The following NUTM2E variants were observed in gnomAD, a reference collection of about 807,000 sequenced individuals.
NUTM2E encodes family with sequence similarity 22, member E.
Under a neutral mutation model 26.1 loss-of-function variants are expected in NUTM2E, and 3 were observed. The observed-to-expected ratio is 0.12, with a 90% CI of 0.05 to 0.30. The LOEUF is 0.30. Ranked by LOEUF, NUTM2E falls within the 10% of genes least tolerant of loss-of-function variation. The pLI is 1.00. For synonymous variants in NUTM2E, 13 were observed against 157.5 expected (o/e 0.08, Z 6.87); for missense variants, 62 against 381.3 (o/e 0.16, Z 6.97).
chr10:79,839,453 C>T lies in NUTM2E; in HGVS notation c.-2113-175C>T, dbSNP rs922582247. Among the ~76,000 whole-genome samples the T allele has an allele frequency of 2.6e-5, 4 of 151,020 alleles. 1 individual carries two copies. Among genetic ancestry groups the T allele is most frequent in the Non-Finnish European group, 5.9e-5 (4 of 67,738 alleles). On this transcript the variant is annotated intron_variant, in intron 3 of 9. Transcript: ENST00000429984. ...TGTTGTAACCTTGATCAATTTCAGT[C>T]GATAAAGCAGCAGATACTAAGGGAA... is the stretch of plus-strand genomic sequence containing the variant.
intron 2 of NUTM2E, among the ~76,000 whole-genome samples, 68 bp downstream of exon 2, chr10:79,838,654 T>C (rs406850): frequency 0.017 from 2,238 of 128,284 alleles, 4 homozygotes; most frequent in African/African-American, 0.032. Context: ...TATGAACGCT[T>C]CCGCCTTGAG....
chr10:79,828,909 C>G (rs1223150739), intron 1 of NUTM2E, among the ~76,000 whole-genome samples: 2 of 151,640 alleles, frequency 1.3e-5, no homozygotes, highest in Non-Finnish European at 2.9e-5. Context: ...GTCATTATTC[C>G]TAGTATTAAT....
chr10:79,830,983 A>G (rs1224542162), intron 1 of NUTM2E, among the ~76,000 whole-genome samples: 6 of 151,954 alleles, frequency 3.9e-5, no homozygotes, highest in African/African-American at 1.4e-4. Context: ...CCACGTAGGC[A>G]TCTCAGTGTT....
intron 1 of NUTM2E, among the ~76,000 whole-genome samples, chr10:79,834,429 G>A (rs1841947766): frequency 6.6e-6 from 1 of 151,600 alleles, no homozygotes; most frequent in Non-Finnish European, 1.5e-5. Context: ...GGCAGGGCAT[G>A]GTGCCTCACA....
chr10:79,836,353 T>C (rs1833504293), intron 1 of NUTM2E, among the ~76,000 whole-genome samples: 1 of 151,912 alleles, frequency 6.6e-6, no homozygotes, highest in African/African-American at 2.4e-5. Context: ...AAAAAATTCA[T>C]TTACAAATAC....
At chr10:79,836,651 C>T (rs1481102835) in intron 1 of NUTM2E, among the ~76,000 whole-genome samples, 1 of 151,836 alleles carries the variant, frequency 6.6e-6, no homozygotes, top group Non-Finnish European at 1.5e-5. Flanking sequence ...TCTTCACATC[C>T]ACTACCTCAT....
rs1434685529 is a variant in NUTM2E, at chr10:79,838,429, C to T, written c.-2607C>T. 1.4e-5 allele frequency among the ~76,000 whole-genome samples: 2 copies of T among 144,298 alleles called. No homozygotes were observed. The highest frequency in any genetic ancestry group is 3.0e-5 in the Non-Finnish European group (2 of 66,302). 94.7% of individuals were successfully genotyped at this position (144,298 alleles called of 152,430 possible). A position where few individuals can be genotyped will look rare whatever the true frequency, so the allele number is the denominator to read the frequency against. ...CGTCCGTGAGAACTTCACTGTTTTACGAGGACAGGAGCTACTTCTTTGCTG... is the reference window on the plus strand; with the variant it reads ...CGTCCGTGAGAACTTCACTGTTTTATGAGGACAGGAGCTACTTCTTTGCTG... On this transcript the variant is annotated 5_prime_UTR_variant, in exon 2 of 10. The change creates a new upstream start codon in the 5' untranslated region. Transcript: ENST00000429984.
chr10:79,836,313 C>A (rs1326590786), intron 1 of NUTM2E, among the ~76,000 whole-genome samples: 1 of 151,708 alleles, frequency 6.6e-6, no homozygotes. Context: ...CAAACTTATT[C>A]CATAGTATAG....
At chr10:79,833,443 A>G (rs1195161631) in intron 1 of NUTM2E, among the ~76,000 whole-genome samples, 3 of 150,742 alleles carry the variant, frequency 2.0e-5, no homozygotes, top group Non-Finnish European at 4.4e-5. Flanking sequence ...GAACGGGAAA[A>G]AAATTTTGCA....
chr10:79,833,918 T>C (rs1841944343), intron 1 of NUTM2E, among the ~76,000 whole-genome samples: 1 of 151,864 alleles, frequency 6.6e-6, no homozygotes, highest in South Asian at 2.1e-4. Context: ...ACATGTATGT[T>C]TATTGCAGCA....
In NUTM2E at chr10:79,830,502, C is replaced by T. The variant is rs563978622; in HGVS notation, c.-2728+3145C>T. 1.8e-3 allele frequency among the ~76,000 whole-genome samples: 280 copies of T among 151,652 alleles called. 4 individuals are homozygous for T. The highest frequency in any genetic ancestry group is 6.6e-3 in the African/African-American group (275 of 41,440). On this transcript the variant is annotated intron_variant, in intron 1 of 9. Coordinates refer to ENST00000429984, the MANE Select transcript of NUTM2E (RefSeq NM_001355263.2). ...GATGAAAATTTTACATATGTAAAAA[C>T]ATTTGTCAATGAAAGTAATAATAAT...
rs1007864951 is a variant in NUTM2E, at chr10:79,838,732, A to G, written c.-2449-48A>G. Among the ~76,000 whole-genome samples, 8 of 152,080 alleles carry G rather than the reference A, an allele frequency of 5.3e-5. No individual in the cohort carries two copies. In the South Asian group the frequency reaches 8.3e-4, roughly 16 times the overall value. ...GCGGACACTGGTGACCAGTGGGAGC[A>G]TGACCAGGAGGTGATTACCTTCTGA... On this transcript the variant is annotated intron_variant, in intron 2 of 9. Coordinates refer to ENST00000429984, the MANE Select transcript of NUTM2E (RefSeq NM_001355263.2).
intron 1 of NUTM2E, among the ~76,000 whole-genome samples, chr10:79,831,583 A>G (rs1262724587): frequency 2.6e-5 from 4 of 151,900 alleles, no homozygotes; most frequent in African/African-American, 9.7e-5. Flanking sequence ...ACCATATTGC[A>G]TGTTCTCGTA....
chr10:79,848,938 C>G lies in NUTM2E; in HGVS notation c.1734+43C>G, dbSNP rs2341722. ...GCTGGGGTCTGCTGGATTCCAGGGGCTGGCACTCCCAGGTCCTTGGAATTA... is the reference window on the plus strand; with the variant it reads ...GCTGGGGTCTGCTGGATTCCAGGGGGTGGCACTCCCAGGTCCTTGGAATTA... On this transcript the variant is annotated intron_variant, in intron 8 of 9. Coordinates refer to ENST00000429984, the MANE Select transcript of NUTM2E (RefSeq NM_001355263.2). The G allele has an allele frequency of 1.4e-3, 844 of 618,288 alleles. 107 individuals carry two copies. The highest frequency in any genetic ancestry group is 0.011 in the African/African-American group (488 of 43,540). 38.3% of individuals were successfully genotyped at this position (618,288 alleles called of 1,614,324 possible).
In NUTM2E at chr10:79,845,149, A is replaced by G. The variant is rs1363858201; in HGVS notation, c.1082+277A>G. Among the ~76,000 whole-genome samples the G allele has an allele frequency of 3.6e-5, 4 of 112,616 alleles. No individual in the cohort carries two copies. The South Asian group carries it at 7.4e-4, about 21-fold the overall frequency. 73.9% of individuals were successfully genotyped at this position (112,616 alleles called of 152,430 possible). Reference sequence around the variant, plus strand: ...ACAATGTTTACAGAAGACCCAGGTCAGAGAGGGTTCCTGGTGTGACGTGAG... The same window carrying G: ...ACAATGTTTACAGAAGACCCAGGTCGGAGAGGGTTCCTGGTGTGACGTGAG... On this transcript the variant is annotated intron_variant, in intron 5 of 9. Coordinates refer to ENST00000429984, the MANE Select transcript of NUTM2E (RefSeq NM_001355263.2).
Position 79,826,897 on chromosome 10 carries a change from G to C in NUTM2E, c.-3188G>C, listed in dbSNP as rs902966112. On this transcript the variant is annotated 5_prime_UTR_variant, in exon 1 of 10. Coordinates refer to ENST00000429984, the MANE Select transcript of NUTM2E (RefSeq NM_001355263.2). Reference sequence around the variant, plus strand: ...GGCCCGCGGCATCGTCCGCGACGCAGCTCGGGATCCGGGTCGGGGTGTCGG... The same window carrying C: ...GGCCCGCGGCATCGTCCGCGACGCACCTCGGGATCCGGGTCGGGGTGTCGG... 6.6e-6 allele frequency: 1 copy of C among 151,284 alleles called. No individual in the cohort carries two copies. 9.4% of individuals were successfully genotyped at this position (151,284 alleles called of 1,614,324 possible).
Position 79,838,818 on chromosome 10 carries a change from G to T in NUTM2E, c.-2411G>T, listed in dbSNP as rs1020659420. 1.3e-5 allele frequency among the ~76,000 whole-genome samples: 2 copies of T among 151,728 alleles called. No homozygotes were observed. Among genetic ancestry groups the T allele is most frequent in the African/African-American group, 4.8e-5 (2 of 41,314 alleles). ...GGACGCCATGAGAGCGAAGGCCGTT[G>T]GGTCACCGCCCTTTGCTCTCGCGCT... On this transcript the variant is annotated 5_prime_UTR_variant, in exon 3 of 10. Transcript: ENST00000429984.
intron 1 of NUTM2E, among the ~76,000 whole-genome samples, chr10:79,832,317 T>G (rs1398592402): frequency 7.0e-6 from 1 of 143,498 alleles, no homozygotes; most frequent in Non-Finnish European, 1.6e-5. Context: ...TGTGTGTGCA[T>G]GTGTGTGTGT....
intron 1 of NUTM2E, among the ~76,000 whole-genome samples, chr10:79,829,681 G>C (rs1455315616): frequency 6.6e-6 from 1 of 151,844 alleles, no homozygotes; most frequent in African/African-American, 2.4e-5. Flanking sequence ...GTAGCTAAAT[G>C]GCCTGCGAAG....
Sources: allele counts gnomAD v4.1 joint callset (sites outside exome capture counted in the v4.1 genomes callset), GRCh38; gene constraint gnomAD v4.1.1; transcripts MANE v1.5; gene names NCBI Gene and HGNC (gene_info 2026-07-23, HGNC 2026-07-21).